CSMD1: variants seen among roughly 807,000 people sequenced by gnomAD.
The protein encoded by CSMD1 is CUB and sushi domain-containing protein 1.
Under a neutral mutation model 417.5 loss-of-function variants are expected in CSMD1, and 213 were observed. That is an observed-to-expected ratio of 0.51 (90% confidence interval 0.46 to 0.57). The LOEUF (loss-of-function observed/expected upper bound fraction) is 0.57, where lower values mean the gene tolerates loss of function less well. CSMD1 is among the 20% of genes least tolerant of loss of function. The pLI is 0.00. For synonymous variants in CSMD1, 2,862 were observed against 1,736.8 expected (o/e 1.65, Z -16.11); for missense variants, 6,923 against 4,529.7 (o/e 1.53, Z -15.17).
At chr8:3,547,919 G>A (rs1031241680) in intron 10 of CSMD1, among the ~76,000 whole-genome samples, 1 of 152,126 alleles carries the variant, frequency 6.6e-6, no homozygotes, top group African/African-American at 2.4e-5. Flanking sequence ...CATGCACCAT[G>A]CCATATCCTG....
At chr8:3,794,236 T>C (rs922866942) in intron 5 of CSMD1, among the ~76,000 whole-genome samples, 1 of 152,238 alleles carries the variant, frequency 6.6e-6, no homozygotes, top group Non-Finnish European at 1.5e-5. Context: ...AATCCTGTTC[T>C]ACGCAGTTGA....
At chr8:4,508,113 AC>A (rs1802628032) in intron 2 of CSMD1, among the ~76,000 whole-genome samples, 1 of 149,804 alleles carries the variant, frequency 6.7e-6, no homozygotes, top group Non-Finnish European at 1.5e-5. Context: ...ACCCCAAAAA[AC>A]AAAAACAGTG....
At chr8:3,945,933 A>G (rs1187213330) in intron 5 of CSMD1, among the ~76,000 whole-genome samples, 1 of 152,170 alleles carries the variant, frequency 6.6e-6, no homozygotes, top group Non-Finnish European at 1.5e-5. Flanking sequence ...TAAGACTATC[A>G]TGATTATTAT....
At chr8:2,938,804 G>A in intron 69 of CSMD1, 60 bp from the exon 70 acceptor site, 1 of 1,465,714 alleles carries the variant, frequency 6.8e-7, no homozygotes, top group Non-Finnish European at 9.3e-7. Flanking sequence ...TTTAGCAGCT[G>A]GGACTGTGTG....
intron 2 of CSMD1, among the ~76,000 whole-genome samples, chr8:4,462,970 T>C (rs531147881): frequency 6.6e-6 from 1 of 152,306 alleles, no homozygotes; most frequent in East Asian, 1.9e-4. Context: ...CATCAAAATT[T>C]TAAACTTTGT....
intron 3 of CSMD1, among the ~76,000 whole-genome samples, chr8:4,376,038 T>G (rs1802712075): frequency 6.6e-6 from 1 of 152,162 alleles, no homozygotes; most frequent in Non-Finnish European, 1.5e-5. Flanking sequence ...CGTCTTTAAG[T>G]CTTGATATCT....
chr8:3,302,299 C>G (rs79504139), intron 25 of CSMD1, among the ~76,000 whole-genome samples: 1 of 151,996 alleles, frequency 6.6e-6, no homozygotes, highest in African/African-American at 2.4e-5. Flanking sequence ...ATGTTTTTTT[C>G]TGGAGTCACT....
At chr8:3,995,265 G>C (rs1484560066) in intron 5 of CSMD1, among the ~76,000 whole-genome samples, 1 of 152,142 alleles carries the variant, frequency 6.6e-6, no homozygotes, top group Non-Finnish European at 1.5e-5. Context: ...TTGCTTTTCA[G>C]CCTCCACTGA....
At chr8:4,945,132 T>C (rs532571611) in intron 1 of CSMD1, among the ~76,000 whole-genome samples, 1 of 152,276 alleles carries the variant, frequency 6.6e-6, no homozygotes, top group South Asian at 2.1e-4. Flanking sequence ...ATAATCAGCG[T>C]AATTAGCCAC....
At chr8:4,753,836 G>C (rs943598139) in intron 1 of CSMD1, among the ~76,000 whole-genome samples, 1 of 151,968 alleles carries the variant, frequency 6.6e-6, no homozygotes, top group African/African-American at 2.4e-5. Context: ...TTATTATTTC[G>C]CACTGTGATA....
At chr8:3,076,480 T>C (rs1444402365) in intron 49 of CSMD1, among the ~76,000 whole-genome samples, 1 of 152,202 alleles carries the variant, frequency 6.6e-6, no homozygotes, top group Non-Finnish European at 1.5e-5. Context: ...ATTCAACCCA[T>C]GACACCAAGT....
chr8:3,845,159 G>C (rs145759176), intron 5 of CSMD1, among the ~76,000 whole-genome samples: 3 of 152,336 alleles, frequency 2.0e-5, no homozygotes, highest in African/African-American at 7.2e-5. Context: ...CAGGAAGACA[G>C]TTTATGGGAA....
chr8:4,857,032 CA>C (rs1801842432), intron 1 of CSMD1, among the ~76,000 whole-genome samples: 1 of 148,888 alleles, frequency 6.7e-6, no homozygotes, highest in African/African-American at 2.5e-5. Context: ...CTCTCCTCAG[CA>C]AATGTAAAAG....
chr8:3,116,524 T>C (rs1816880559), intron 42 of CSMD1, among the ~76,000 whole-genome samples: 1 of 152,086 alleles, frequency 6.6e-6, no homozygotes, highest in South Asian at 2.1e-4. Context: ...GTTTTGGGAG[T>C]CTGAAGGGGT....
At chr8:3,491,647 A>G (rs796916202) in intron 11 of CSMD1, among the ~76,000 whole-genome samples, 22 of 152,332 alleles carry the variant, frequency 1.4e-4, no homozygotes, top group African/African-American at 5.1e-4. Context: ...TTCTGGGTCC[A>G]TCGATTTTTA....
At chr8:4,055,676 A>C (rs1425170244) in intron 3 of CSMD1, among the ~76,000 whole-genome samples, 1 of 152,192 alleles carries the variant, frequency 6.6e-6, no homozygotes, top group African/African-American at 2.4e-5. Context: ...AATGCCACCA[A>C]AGTAACAATA....
intron 3 of CSMD1, among the ~76,000 whole-genome samples, chr8:4,298,548 T>C (rs545787206): frequency 5.3e-5 from 8 of 152,130 alleles, no homozygotes; most frequent in African/African-American, 9.7e-5. Flanking sequence ...TGTAGCAAAA[T>C]TGTACTTGTA....
chr8:3,072,253 T>C (rs1470190219), intron 49 of CSMD1, among the ~76,000 whole-genome samples: 2 of 152,212 alleles, frequency 1.3e-5, no homozygotes, highest in African/African-American at 4.8e-5. Context: ...GTCCAATTAA[T>C]GATTTTCTCT....
chr8:3,019,819 A>G (rs1212362707), intron 51 of CSMD1, among the ~76,000 whole-genome samples: 1 of 152,236 alleles, frequency 6.6e-6, no homozygotes, highest in East Asian at 1.9e-4. Context: ...TTGAGCACAG[A>G]AGATCATGGC....
Sources: gnomAD v4.1 joint callset for allele counts (sites outside exome capture counted in the v4.1 genomes callset) on GRCh38, gnomAD v4.1.1 for gene constraint, MANE v1.5 for transcripts, NCBI Gene and HGNC (gene_info 2026-07-23, HGNC 2026-07-21) for gene names.